HCN2: variants seen among roughly 807,000 people sequenced by gnomAD.
The protein encoded by HCN2 is hyperpolarization activated cyclic nucleotide gated potassium and sodium channel 2.
Under a neutral mutation model 52.3 loss-of-function variants are expected in HCN2, and 20 were observed. The observed-to-expected ratio is 0.38, with a 90% CI of 0.27 to 0.56. The LOEUF (loss-of-function observed/expected upper bound fraction) is 0.56, where lower values mean the gene tolerates loss of function less well. HCN2 is among the 20% of genes least tolerant of loss of function. The pLI is 0.71. For synonymous variants in HCN2, 694 were observed against 537.0 expected, an observed-to-expected ratio of 1.29 and a Z score of -4.04; for missense variants, 981 against 1,207.7, an observed-to-expected ratio of 0.81 and a Z score of 2.78.
At chr19:610,616 G>A (rs1397436817) in intron 5 of HCN2, among the ~76,000 whole-genome samples, 1 of 152,160 alleles carries the variant, frequency 6.6e-6, no homozygotes, top group Non-Finnish European at 1.5e-5. Flanking sequence ...GCTTCCCGCT[G>A]CCCCCTTAGC....
At chr19:615,367 A>G (rs989658707) in intron 7 of HCN2, among the ~76,000 whole-genome samples, 1 of 152,020 alleles carries the variant, frequency 6.6e-6, no homozygotes, top group Non-Finnish European at 1.5e-5. Flanking sequence ...ACAAAAAATT[A>G]GCCGGGTGTG....
At chr19:599,700 A>G (rs1983141963) in intron 1 of HCN2, among the ~76,000 whole-genome samples, 1 of 151,952 alleles carries the variant, frequency 6.6e-6, no homozygotes, top group Non-Finnish European at 1.5e-5. Context: ...AGGCAAGAGA[A>G]TGGTGTGAAC....
At chr19:596,600 T>A (rs975184264) in intron 1 of HCN2, among the ~76,000 whole-genome samples, 12 of 152,184 alleles carry the variant, frequency 7.9e-5, no homozygotes, top group African/African-American at 2.9e-4. Flanking sequence ...GTCACTGATG[T>A]TTCTGTGACA....
Position 616,293 on chromosome 19 carries a change from G to A in HCN2, c.2489G>A (p.Gly830Asp). ...GCCTCGCAGCCCTCGCTGCCTCACG[G>A]CGCCCCCGGCCCCGCGGCCTCCACA... is the stretch of plus-strand genomic sequence containing the variant. ...LSASQPSLPHGAPGPAASTRP... is the reference protein window; with the variant it reads ...LSASQPSLPHDAPGPAASTRP... Residue 830 changes from glycine to aspartate, a missense_variant, in exon 8 of 8, where the codon GGC becomes GAC. This residue lies in a region of HCN2 where 368 missense variants were observed against 314.8 expected (regional missense o/e 1.17). Coordinates refer to ENST00000251287, the MANE Select transcript of HCN2 (RefSeq NM_001194.4). The A allele has an allele frequency of 1.8e-6, 2 of 1,081,980 alleles. No homozygotes were observed. The highest frequency in any genetic ancestry group is 2.2e-6 in the Non-Finnish European group (2 of 891,834). 67.0% of individuals were successfully genotyped at this position (1,081,980 alleles called of 1,614,324 possible). A position where few individuals can be genotyped will look rare whatever the true frequency, so the allele number is the denominator to read the frequency against.
intron 4 of HCN2, 65 bp from the exon 5 acceptor site, chr19:610,173 TCGCCTCCCCACAGTACAAGCA>T: frequency 6.7e-7 from 1 of 1,497,608 alleles, no homozygotes; most frequent in Non-Finnish European, 9.1e-7. Context: ...TGACCCAGCC[TCGCCTCCCCACAGTACAAGCA>T]GGTGCCCCTG....
At position 600,203 on chromosome 19, in the gene HCN2, C is replaced by G. The variant is rs562057535; in HGVS notation, c.633-3341C>G. Among the ~76,000 whole-genome samples, 4 of 152,288 alleles carry G rather than the reference C, an allele frequency of 2.6e-5. No individual in the cohort carries two copies. The South Asian group carries it at 6.2e-4, about 24-fold the overall frequency. On this transcript the variant is annotated intron_variant, in intron 1 of 7. Coordinates refer to ENST00000251287, the MANE Select transcript of HCN2 (RefSeq NM_001194.4). ...TGTTTTGTTCTTTGAGACAGAGTCT[C>G]GCTCTGTTGCCCCGGCTGGAATGCA...
intron 4 of HCN2, among the ~76,000 whole-genome samples, chr19:608,811 C>G (rs540778939): frequency 6.6e-6 from 1 of 152,102 alleles, no homozygotes; most frequent in African/African-American, 2.4e-5. Context: ...CGCCGGTGGC[C>G]GGCAGTCAGG....
intron 1 of HCN2, among the ~76,000 whole-genome samples, chr19:593,916 C>T (rs1188840185): frequency 6.6e-6 from 1 of 152,218 alleles, no homozygotes; most frequent in African/African-American, 2.4e-5. Flanking sequence ...GCAGGGTCTT[C>T]TGTGCCTCCC....
chr19:590,519 G>A lies in HCN2; in HGVS notation c.574G>A (p.Glu192Lys). 1 of 1,515,700 alleles carries A rather than the reference G, an allele frequency of 6.6e-7. No individual in the cohort carries two copies. The highest frequency in any genetic ancestry group is 1.2e-5 in the South Asian group (1 of 82,190). The allele number at this position is 1,515,700 out of a possible 1,614,324, so 93.9% of individuals were successfully genotyped here. The change falls in exon 1 of 8, where the codon GAG becomes AAG. Residue 192 changes from glutamate to lysine, a missense_variant. Glu to Lys is a moderately conservative substitution (Grantham distance 56). Around this residue, in one of 6 missense-constraint regions of HCN2, gnomAD observed 23 missense variants for 20.3 expected, o/e 1.13. Transcript: ENST00000251287. The surrounding 1 kb of genome is among the most constrained non-coding windows in gnomAD (Gnocchi z 7.2). The part of the protein sequence containing the change: ...MFGSQKAVER[E>K]QERVKSAGAW... Reference sequence around the variant, plus strand: ...CGGCAGCCAGAAGGCCGTGGAGCGCGAGCAGGAGCGCGTCAAGTCGGCGGG... The same window carrying A: ...CGGCAGCCAGAAGGCCGTGGAGCGCAAGCAGGAGCGCGTCAAGTCGGCGGG...
rs1348354599 is a variant in HCN2 at position 615,989 on chromosome 19, A to T, written c.2185A>T (p.Thr729Ser). 6.3e-7 allele frequency: 1 copy of T among 1,583,856 alleles called. No individual in the cohort carries two copies. The highest frequency in any genetic ancestry group is 8.6e-7 in the Non-Finnish European group (1 of 1,169,190). ...GCCGCAGGTCACCTCGGCCATCGCC[A>T]CGCTGCAGCAGGCGGCGGCCATGAG... ...PPPQVTSAIA[T>S]LQQAAAMSFC... Residue 729 changes from threonine (T) to serine (S), a missense_variant, in exon 8 of 8, where the codon ACG (threonine) becomes TCG (serine). Transcript: ENST00000251287.
At position 613,974 on chromosome 19, in the gene HCN2, C is replaced by G. The variant is rs773252175; in HGVS notation, c.1948C>G (p.Arg650Gly). ...EVLEEYPMMRRAFETVAIDRL... is the reference protein window; with the variant it reads ...EVLEEYPMMRGAFETVAIDRL... ...GCTGGAGGAGTACCCCATGATGCGG[C>G]GCGCCTTCGAGACGGTGGCCATCGA... Residue 650 changes from arginine (R) to glycine (G), a missense_variant, in exon 7 of 8, where the codon CGC becomes GGC. Around this residue, in one of 6 missense-constraint regions of HCN2, gnomAD observed 85 missense variants for 106.1 expected, o/e 0.80. Transcript: ENST00000251287. The G allele has an allele frequency of 6.6e-7, 1 of 1,522,012 alleles. No individual in the cohort carries two copies. The highest frequency in any genetic ancestry group is 1.9e-5 in the Admixed American group (1 of 53,298). The allele number at this position is 1,522,012 out of a possible 1,614,324, so 94.3% of individuals were successfully genotyped here.
Position 592,749 on chromosome 19 carries a change from C to A in HCN2, c.632+2172C>A, listed in dbSNP as rs1216296644. On this transcript the variant is annotated intron_variant, in intron 1 of 7. Transcript: ENST00000251287. This position sits in a 1 kb window ranked among gnomAD's most constrained non-coding sequence, Gnocchi z 4.8. Reference sequence around the variant, plus strand: ...AGTGTGGAATCAGTGTGGAAAAAGACCCCCAAGAATATCTCAAAAGCTCCC... The same window carrying A: ...AGTGTGGAATCAGTGTGGAAAAAGAACCCCAAGAATATCTCAAAAGCTCCC... Among the ~76,000 whole-genome samples the A allele has an allele frequency of 6.6e-6, 1 of 152,108 alleles. No individual in the cohort carries two copies. The highest frequency in any genetic ancestry group is 2.4e-5 in the African/African-American group (1 of 41,412).
chr19:607,779 A>G (rs911085390), intron 3 of HCN2, among the ~76,000 whole-genome samples, 185 bp from the exon 4 acceptor site: 1 of 152,150 alleles, frequency 6.6e-6, no homozygotes, highest in Non-Finnish European at 1.5e-5. Context: ...CCTCCTGCCA[A>G]CTCACTGTGA....
rs766627400 is a variant in HCN2, at chr19:605,056, T to G, written c.1057-5T>G. 2 of 1,607,880 alleles carry G rather than the reference T, an allele frequency of 1.2e-6. No individual in the cohort carries two copies. The highest frequency in any genetic ancestry group is 1.7e-6 in the Non-Finnish European group (2 of 1,176,944). ...GTAGGGTGGGCTCACGGCGCCTTCC[T>G]GCAGATCTTCCACATGACCTATGAC... On this transcript the variant is annotated splice_polypyrimidine_tract_variant and splice_region_variant and intron_variant, in intron 2 of 7. Coordinates refer to ENST00000251287, the MANE Select transcript of HCN2 (RefSeq NM_001194.4).
intron 5 of HCN2, among the ~76,000 whole-genome samples, chr19:611,544 G>A (rs775556722): frequency 2.2e-4 from 33 of 152,316 alleles, no homozygotes; most frequent in Middle Eastern, 3.4e-3. Flanking sequence ...GTGTACACCC[G>A]TTGCTCCCAG....
intron 5 of HCN2, 73 bp downstream of exon 5, chr19:610,478 G>A: frequency 4.2e-6 from 6 of 1,422,738 alleles, no homozygotes; most frequent in Admixed American, 1.8e-5. Flanking sequence ...GAGCCCAGGA[G>A]CCGGTCCCTG....
At chr19:606,850 C>A (rs1393993484) in intron 3 of HCN2, among the ~76,000 whole-genome samples, 1 of 148,018 alleles carries the variant, frequency 6.8e-6, no homozygotes, top group Non-Finnish European at 1.5e-5. Flanking sequence ...GACTTTGTCT[C>A]AAAAAAAATA....
rs1248984516 is a variant in HCN2 at position 616,569 on chromosome 19, G to A, written c.*95G>A. ...ATTGCGCTGCCCCGGCCGCCAGTCC[G>A]CCCAGAAGCCATAGACGAGACGTAG... is the stretch of plus-strand genomic sequence containing the variant. On this transcript the variant is annotated 3_prime_UTR_variant, in exon 8 of 8. Transcript: ENST00000251287. 1.1e-5 allele frequency: 8 copies of A among 745,228 alleles called. No homozygotes were observed. Among genetic ancestry groups the A allele is most frequent in the East Asian group, 5.6e-5 (1 of 18,002 alleles). 46.2% of individuals were successfully genotyped at this position (745,228 alleles called of 1,614,324 possible).
At chr19:598,652 A>T (rs1983109091) in intron 1 of HCN2, among the ~76,000 whole-genome samples, 1 of 152,070 alleles carries the variant, frequency 6.6e-6, no homozygotes, top group South Asian at 2.1e-4. Flanking sequence ...CCCAGGCTGG[A>T]GTGCGATGGC....
Sources: gnomAD v4.1 joint callset for allele counts (sites outside exome capture counted in the v4.1 genomes callset) on GRCh38, gnomAD v4.1.1 for gene constraint, gnomAD v4.1.1 regional missense constraint, Gnocchi (gnomAD v3.1) non-coding constraint, MANE v1.5 for transcripts, NCBI Gene and HGNC (gene_info 2026-07-23, HGNC 2026-07-21) for gene names.